Variants in ADGRB3 observed in about 807,000 individuals in gnomAD.
ADGRB3 encodes the protein adhesion G protein-coupled receptor B3, also known as brain-specific angiogenesis inhibitor 3.
Under a neutral mutation model 193.4 loss-of-function variants are expected in ADGRB3, and 37 were observed. That is an observed-to-expected ratio of 0.19 (90% CI 0.15 to 0.25). The LOEUF (loss-of-function observed/expected upper bound fraction) is 0.25. ADGRB3 is among the 10% of genes least tolerant of loss of function. The pLI, the probability that ADGRB3 is intolerant of heterozygous loss-of-function variation, is 1.00. For synonymous variants in ADGRB3, 690 were observed against 644.2 expected, an observed-to-expected ratio of 1.07 and a Z score of -1.08; for missense variants, 1,637 against 1,852.9, an observed-to-expected ratio of 0.88 and a Z score of 2.14.
At chr6:68,790,663 T>C (rs373113909) in intron 3 of ADGRB3, among the ~76,000 whole-genome samples, 1 of 152,276 alleles carries the variant, frequency 6.6e-6, no homozygotes. Flanking sequence ...CCACTGCAGA[T>C]ACCCAGGTAA....
intron 3 of ADGRB3, among the ~76,000 whole-genome samples, chr6:68,780,906 T>C (rs1305544990): frequency 1.3e-5 from 2 of 152,298 alleles, no homozygotes; most frequent in African/African-American, 4.8e-5. Context: ...AAAAATGTTA[T>C]TTAAAATGTC....
chr6:68,985,276 C>T (rs935001918), intron 10 of ADGRB3, among the ~76,000 whole-genome samples: 1 of 152,102 alleles, frequency 6.6e-6, no homozygotes. Flanking sequence ...CCCAGACTTA[C>T]GTTATCAGAA....
chr6:69,359,823 G>A (rs1235794641), intron 28 of ADGRB3, among the ~76,000 whole-genome samples: 1 of 151,834 alleles, frequency 6.6e-6, no homozygotes, highest in Non-Finnish European at 1.5e-5. Flanking sequence ...ACTTCGCACA[G>A]CGCTATTCTG....
intron 31 of ADGRB3, among the ~76,000 whole-genome samples, chr6:69,387,996 A>G (rs1340142494): frequency 1.3e-5 from 2 of 152,182 alleles, no homozygotes; most frequent in African/African-American, 4.8e-5. Context: ...GAGAGCTAAT[A>G]GAAATTAAAG....
At chr6:69,074,047 A>C (rs1472725630) in intron 16 of ADGRB3, among the ~76,000 whole-genome samples, 1 of 152,144 alleles carries the variant, frequency 6.6e-6, no homozygotes, top group East Asian at 1.9e-4. Flanking sequence ...GTTTATTTTC[A>C]ATTTATGACT....
intron 20 of ADGRB3, among the ~76,000 whole-genome samples, chr6:69,262,676 TGAAA>T (rs1465034306): frequency 6.6e-6 from 1 of 151,986 alleles, no homozygotes; most frequent in Non-Finnish European, 1.5e-5. Context: ...TAAGATATTT[TGAAA>T]GAGAGAGAGA....
intron 3 of ADGRB3, among the ~76,000 whole-genome samples, chr6:68,819,442 A>C (rs909312451): frequency 7.2e-5 from 11 of 151,846 alleles, no homozygotes; most frequent in Non-Finnish European, 1.5e-4. Context: ...TTTTGTCTGC[A>C]ACTAGATTAC....
chr6:69,262,157 G>T (rs1238655160), intron 20 of ADGRB3, among the ~76,000 whole-genome samples: 1 of 151,990 alleles, frequency 6.6e-6, no homozygotes, highest in Non-Finnish European at 1.5e-5. Context: ...TCAAATTCTG[G>T]TTTGTGCTAT....
intron 20 of ADGRB3, among the ~76,000 whole-genome samples, chr6:69,241,805 C>G (rs921800434): frequency 2.0e-5 from 3 of 151,866 alleles, no homozygotes; most frequent in Non-Finnish European, 4.4e-5. Flanking sequence ...TTGACTAATG[C>G]TAATTTTTGC....
chr6:68,997,644 C>G (rs1168835462), intron 11 of ADGRB3, among the ~76,000 whole-genome samples: 3 of 138,836 alleles, frequency 2.2e-5, no homozygotes, highest in Non-Finnish European at 4.6e-5. Flanking sequence ...CAGAGTGACA[C>G]TCTGTCTTAA....
At chr6:69,010,606 C>G (rs2150283691) in intron 11 of ADGRB3, among the ~76,000 whole-genome samples, 1 of 151,942 alleles carries the variant, frequency 6.6e-6, no homozygotes, top group African/African-American at 2.4e-5. Flanking sequence ...ATTACAGATT[C>G]AAGATATAAA....
At chr6:68,851,738 T>G (rs1768406949) in intron 3 of ADGRB3, among the ~76,000 whole-genome samples, 1 of 151,946 alleles carries the variant, frequency 6.6e-6, no homozygotes, top group East Asian at 1.9e-4. Flanking sequence ...TCTTTCAATC[T>G]TTAGTGATAG....
At chr6:68,770,831 C>A (rs1766603389) in intron 3 of ADGRB3, among the ~76,000 whole-genome samples, 1 of 152,134 alleles carries the variant, frequency 6.6e-6, no homozygotes, top group African/African-American at 2.4e-5. Flanking sequence ...TTGAGTCCCA[C>A]AGTCAGACAC....
intron 5 of ADGRB3, among the ~76,000 whole-genome samples, chr6:68,939,259 G>T (rs1398110330): frequency 6.6e-6 from 1 of 151,938 alleles, no homozygotes; most frequent in African/African-American, 2.4e-5. Context: ...GCAATTTTTT[G>T]AATTTGAAAA....
intron 17 of ADGRB3, among the ~76,000 whole-genome samples, chr6:69,184,676 T>TG (rs1237806970): frequency 4.6e-5 from 7 of 152,146 alleles, no homozygotes; most frequent in Admixed American, 4.6e-4. Context: ...AAAGAGCAGG[T>TG]GGCACATGGA....
rs140132602 is a variant in ADGRB3, at chr6:69,238,618, G to A, written c.2712-506G>A. On this transcript the variant is annotated intron_variant, in intron 19 of 31. Transcript: ENST00000370598. ...TTCAAATGCTGGAGTGGATAAAAGT[G>A]TTCACAGTTTCATGAAAGTAATGGT... 1.8e-4 allele frequency among the ~76,000 whole-genome samples: 27 copies of A among 152,044 alleles called. No individual in the cohort carries two copies. The East Asian group carries it at 3.7e-3, about 21-fold the overall frequency.
intron 3 of ADGRB3, among the ~76,000 whole-genome samples, chr6:68,693,690 T>A (rs1380821855): frequency 6.6e-6 from 1 of 152,036 alleles, no homozygotes; most frequent in African/African-American, 2.4e-5. Context: ...GAAAATTAAC[T>A]ACACAACCAA....
chr6:68,772,165 G>A (rs1021814858), intron 3 of ADGRB3, among the ~76,000 whole-genome samples: 1 of 152,004 alleles, frequency 6.6e-6, no homozygotes, highest in African/African-American at 2.4e-5. Context: ...AAATGGAGAA[G>A]ACTGCTGTGA....
At chr6:69,138,508 C>T (rs1339789210) in intron 17 of ADGRB3, among the ~76,000 whole-genome samples, 1 of 152,122 alleles carries the variant, frequency 6.6e-6, no homozygotes, top group Non-Finnish European at 1.5e-5. Context: ...TAAAATAAAC[C>T]TTAATAACCC....
Sources: allele counts gnomAD v4.1 joint callset (sites outside exome capture counted in the v4.1 genomes callset), GRCh38; gene constraint gnomAD v4.1.1; transcripts MANE v1.5; gene names NCBI Gene and HGNC (gene_info 2026-07-23, HGNC 2026-07-21).